The following COX10 variants were observed in gnomAD, a reference collection of about 807,000 sequenced individuals.
COX10 encodes cytochrome c oxidase assembly factor heme A:farnesyltransferase COX10.
Under a neutral mutation model 37.3 loss-of-function variants are expected in COX10, and 27 were observed. That is an observed-to-expected ratio of 0.72 (90% confidence interval 0.53 to 1.00). The LOEUF is 1.00. Among genes scored for constraint, COX10 ranks in the 50% least tolerant of loss-of-function variants. The probability of loss-of-function intolerance (pLI) is 0.00; values close to 1 mark genes in which losing one functional copy is unlikely to be tolerated. For synonymous variants in COX10, 222 were observed against 229.1 expected (o/e 0.97, Z 0.28); for missense variants, 475 against 563.2 (o/e 0.84, Z 1.59).
At chr17:14,179,698 T>A (rs1295966933) in intron 5 of COX10, among the ~76,000 whole-genome samples, 2 of 152,048 alleles carry the variant, frequency 1.3e-5, no homozygotes, top group African/African-American at 4.8e-5. Context: ...CATCTGTATT[T>A]TGATTATGTC....
chr17:14,070,085 G>A (rs1179363104), intron 1 of COX10, among the ~76,000 whole-genome samples: 1 of 152,184 alleles, frequency 6.6e-6, no homozygotes, highest in Non-Finnish European at 1.5e-5. Context: ...CAACGTTGAT[G>A]ATAATGACAG....
chr17:14,076,111 C>CTTT (rs376434284), intron 2 of COX10, among the ~76,000 whole-genome samples: 4,011 of 103,182 alleles, frequency 0.039, 322 homozygotes, highest in African/African-American at 0.053. Context: ...TCTTTTTTGT[C>CTTT]TTTTTTTTTT....
chr17:14,142,905 C>T (rs767115625), intron 4 of COX10, among the ~76,000 whole-genome samples: 1 of 152,192 alleles, frequency 6.6e-6, no homozygotes, highest in Non-Finnish European at 1.5e-5. Context: ...CTATGTACTT[C>T]AGTTTTTCAG....
At chr17:14,127,418 C>T (rs1421754147) in intron 4 of COX10, among the ~76,000 whole-genome samples, 1 of 152,064 alleles carries the variant, frequency 6.6e-6, no homozygotes, top group Non-Finnish European at 1.5e-5. Flanking sequence ...CATATATTTA[C>T]ATACTGAGTG....
chr17:14,106,127 C>T (rs1463748597), intron 4 of COX10, among the ~76,000 whole-genome samples: 5 of 152,080 alleles, frequency 3.3e-5, no homozygotes, highest in Admixed American at 6.5e-5. Context: ...AGCAATTCTC[C>T]TGCCGCAGCC....
At chr17:14,171,189 G>A (rs188199646) in intron 5 of COX10, among the ~76,000 whole-genome samples, 1,853 of 152,194 alleles carry the variant, frequency 0.012, 13 homozygotes, top group Middle Eastern at 0.044. Context: ...TATCATCATC[G>A]GAACACTTTT....
At chr17:14,117,743 T>G (rs978871308) in intron 4 of COX10, among the ~76,000 whole-genome samples, 1 of 152,204 alleles carries the variant, frequency 6.6e-6, no homozygotes, top group Non-Finnish European at 1.5e-5. Context: ...TCTTTCTACT[T>G]TGCTGTCTGC....
intron 3 of COX10, among the ~76,000 whole-genome samples, chr17:14,092,642 AG>A (rs1357650661): frequency 6.6e-6 from 1 of 152,132 alleles, no homozygotes; most frequent in African/African-American, 2.4e-5. Flanking sequence ...ATGTCTCTTG[AG>A]AAGACAACTA....
intron 5 of COX10, among the ~76,000 whole-genome samples, chr17:14,185,229 G>A (rs1291291938): frequency 2.7e-5 from 4 of 150,134 alleles, no homozygotes; most frequent in South Asian, 2.1e-4. Context: ...GCCTGTGTGC[G>A]TCTCCAGGCT....
chr17:14,076,928 A>G lies in COX10; in HGVS notation c.371A>G (p.Asp124Gly), dbSNP rs1337597788. ...NEKELIELEP[D>G]SVIEDSIDVG... Reference sequence around the variant, plus strand: ...AAGGAATTGATAGAACTAGAGCCAGACTCAGTAATTGAAGACTCAATAGAT... The same window carrying G: ...AAGGAATTGATAGAACTAGAGCCAGGCTCAGTAATTGAAGACTCAATAGAT... Residue 124 changes from aspartate (D) to glycine (G), a missense_variant, in exon 3 of 7, where the codon GAC becomes GGC. Physicochemically the swap from Asp to Gly is moderately conservative, Grantham distance 94. This residue lies in a region of COX10 where 242 missense variants were observed against 242.5 expected (regional missense o/e 1.00). Transcript: ENST00000261643. 2 of 1,614,078 alleles carry G rather than the reference A, an allele frequency of 1.2e-6. No individual in the cohort carries two copies. Among genetic ancestry groups the G allele is most frequent in the African/African-American group, 2.7e-5 (2 of 74,928 alleles).
At chr17:14,141,237 A>G (rs1402597169) in intron 4 of COX10, among the ~76,000 whole-genome samples, 2 of 152,080 alleles carry the variant, frequency 1.3e-5, no homozygotes, top group East Asian at 3.8e-4. Flanking sequence ...TATTATACCT[A>G]TAAAGACTAC....
intron 5 of COX10, among the ~76,000 whole-genome samples, chr17:14,168,624 C>A (rs1345695063): frequency 6.6e-6 from 1 of 152,262 alleles, no homozygotes; most frequent in East Asian, 1.9e-4. Context: ...TGTGCAGCTG[C>A]AGGCCCAACA....
At chr17:14,078,044 G>C (rs1915195591) in intron 3 of COX10, among the ~76,000 whole-genome samples, 1 of 151,692 alleles carries the variant, frequency 6.6e-6, no homozygotes, top group Non-Finnish European at 1.5e-5. Context: ...TTGAAGAAAT[G>C]ATGAATAGAC....
chr17:14,159,030 C>T (rs1905115449), intron 4 of COX10, among the ~76,000 whole-genome samples: 1 of 152,002 alleles, frequency 6.6e-6, no homozygotes, highest in African/African-American at 2.4e-5. Context: ...TTGATAATAC[C>T]TTGGGCCTTG....
At chr17:14,105,444 A>G (rs1391767108) in intron 4 of COX10, among the ~76,000 whole-genome samples, 1 of 152,230 alleles carries the variant, frequency 6.6e-6, no homozygotes, top group East Asian at 1.9e-4. Flanking sequence ...TTCAGAATAA[A>G]TGATCTTAAC....
chr17:14,166,612 CTTTTTTTTTTTT>C (rs71147845), intron 5 of COX10, among the ~76,000 whole-genome samples: 2 of 96,532 alleles, frequency 2.1e-5, no homozygotes, highest in Non-Finnish European at 4.0e-5. Context: ...TCAATTCGAC[CTTTTTTTTTTTT>C]TTTTTTTTTG....
chr17:14,193,538 G>A (rs1335076113), intron 6 of COX10, among the ~76,000 whole-genome samples: 2 of 148,870 alleles, frequency 1.3e-5, no homozygotes, highest in East Asian at 3.9e-4. Context: ...CTGTTATTTT[G>A]AAGACTGAGG....
chr17:14,092,663 G>A (rs1915555222), intron 3 of COX10, among the ~76,000 whole-genome samples: 2 of 152,056 alleles, frequency 1.3e-5, no homozygotes, highest in South Asian at 4.1e-4. Context: ...ATATTATGTG[G>A]TTCACAGAAT....
At chr17:14,168,922 T>G (rs1391391326) in intron 5 of COX10, among the ~76,000 whole-genome samples, 2 of 152,260 alleles carry the variant, frequency 1.3e-5, no homozygotes, top group Non-Finnish European at 2.9e-5. Context: ...TCTTCATTAC[T>G]TAACGCAAAT....
Sources: allele counts gnomAD v4.1 joint callset (sites outside exome capture counted in the v4.1 genomes callset), GRCh38; gene constraint gnomAD v4.1.1; regional missense constraint gnomAD v4.1.1; transcripts MANE v1.5; gene names NCBI Gene and HGNC (gene_info 2026-07-23, HGNC 2026-07-21).